Variants in PCDHA8 observed in about 807,000 individuals in gnomAD.
PCDHA8 encodes the protein protocadherin alpha-8.
PCDHA8 carries 53 observed loss-of-function variants against 61.8 expected under a neutral mutation model. The ratio of observed to expected loss-of-function variants is 0.86; its 90% CI spans 0.69 to 1.08. The LOEUF is 1.08. PCDHA8 is among the 50% of genes least tolerant of loss of function. The pLI is 0.00. For synonymous variants in PCDHA8, 618 were observed against 556.6 expected, an observed-to-expected ratio of 1.11 and a Z score of -1.55; for missense variants, 1,293 against 1,245.0, an observed-to-expected ratio of 1.04 and a Z score of -0.58.
chr5:140,954,992 G>A (rs1017301016), intron 1 of PCDHA8, among the ~76,000 whole-genome samples: 1 of 152,094 alleles, frequency 6.6e-6, no homozygotes, highest in Non-Finnish European at 1.5e-5. Flanking sequence ...TTCTGCATAT[G>A]GCTAGCCAAT....
intron 1 of PCDHA8, among the ~76,000 whole-genome samples, chr5:140,895,928 A>G (rs559949902): frequency 5.9e-5 from 9 of 152,226 alleles, no homozygotes; most frequent in African/African-American, 1.9e-4. Flanking sequence ...ATCCTGCCTC[A>G]GCCTCCCGAG....
chr5:140,871,156 G>C (rs200268029), intron 1 of PCDHA8: 2 of 1,613,446 alleles, frequency 1.2e-6, no homozygotes, highest in Non-Finnish European at 8.5e-7. Context: ...TTTGGCGGGC[G>C]CCGCGAGCCC....
chr5:140,926,495 T>G (rs1033428952), intron 1 of PCDHA8: 3 of 181,806 alleles, frequency 1.7e-5, no homozygotes, highest in Non-Finnish European at 3.4e-5. Flanking sequence ...TGTTAGTGTC[T>G]CGGGGCGTCT....
chr5:140,851,303 G>A (rs2042020475), intron 1 of PCDHA8: 2 of 1,012,372 alleles, frequency 2.0e-6, no homozygotes. Context: ...AAAATATATA[G>A]CAATTGTTAC....
intron 1 of PCDHA8, chr5:140,862,381 C>G (rs191367875): frequency 4.0e-5 from 14 of 346,954 alleles, no homozygotes; most frequent in Non-Finnish European, 7.4e-5. Flanking sequence ...TGACTCCTCA[C>G]GTCTCTTCAA....
intron 1 of PCDHA8, among the ~76,000 whole-genome samples, chr5:140,975,074 G>C (rs2096653166): frequency 1.3e-5 from 2 of 152,152 alleles, no homozygotes; most frequent in South Asian, 4.1e-4. Flanking sequence ...CATTCAGATT[G>C]TTGGCAGAAT....
At chr5:140,882,551 C>A in intron 1 of PCDHA8, 1 of 1,614,216 alleles carries the variant, frequency 6.2e-7, no homozygotes, top group Non-Finnish European at 8.5e-7. Flanking sequence ...CCGCGAGGAG[C>A]TGTGTGGGCG....
rs2150513475 is a variant in PCDHA8 at position 140,852,208 on chromosome 5, C to T, written c.2394+8493C>T. On this transcript the variant is annotated intron_variant, in intron 1 of 3. Transcript: ENST00000531613. ...AAATGCCAGTAACGTTTATTTAAAA[C>T]AAAATATTTTAATTTTTAAATTTTC... The T allele has an allele frequency of 5.2e-5, 34 of 657,540 alleles. 1 individual carries two copies. The African/African-American group carries it at 5.9e-4, about 11-fold the overall frequency. The allele number at this position is 657,540 out of a possible 1,614,324, so 40.7% of individuals were successfully genotyped here.
At chr5:140,953,928 C>T (rs246028) in intron 1 of PCDHA8, among the ~76,000 whole-genome samples, 85,608 of 151,876 alleles carry the variant, frequency 0.56, 24,758 homozygotes, top group African/African-American at 0.69. Flanking sequence ...CTTCCTGATG[C>T]TCTCCCTCCC....
chr5:140,906,296 A>G (rs1378311950), intron 1 of PCDHA8, among the ~76,000 whole-genome samples: 9 of 152,226 alleles, frequency 5.9e-5, no homozygotes, highest in Non-Finnish European at 1.5e-5. Flanking sequence ...GACAATAATA[A>G]GGTCATAATT....
At chr5:140,899,382 TGA>T (rs2067295037) in intron 1 of PCDHA8, among the ~76,000 whole-genome samples, 1 of 152,198 alleles carries the variant, frequency 6.6e-6, no homozygotes, top group Non-Finnish European at 1.5e-5. Context: ...CCTAATTTAT[TGA>T]GAGTTTTTAG....
chr5:140,987,811 CTT>C (rs1444999429), intron 3 of PCDHA8, among the ~76,000 whole-genome samples: 7 of 152,218 alleles, frequency 4.6e-5, no homozygotes, highest in African/African-American at 1.7e-4. Flanking sequence ...GTGCCTGTCT[CTT>C]TGTTTCCTTA....
At chr5:140,861,412 C>T (rs371672031) in intron 1 of PCDHA8, 62 of 474,038 alleles carry the variant, frequency 1.3e-4, no homozygotes, top group African/African-American at 1.1e-3. Flanking sequence ...GAGCTGATAC[C>T]GCGCCTGTTT....
intron 1 of PCDHA8, among the ~76,000 whole-genome samples, chr5:140,914,158 C>T (rs1041086072): frequency 1.2e-4 from 18 of 152,276 alleles, no homozygotes; most frequent in East Asian, 9.6e-4. Flanking sequence ...CTGTCCAATA[C>T]GGAAAGTGGG....
rs1563652468 is a variant in PCDHA8 at position 141,000,419 on chromosome 5, A to AT, written c.2543-9207dup. The stretch of plus-strand genomic sequence containing the variant: ...TCTATATATATATATATATATATAT[A>AT]TATTTTTTTTTTTTTTTTTTTTTTT... On this transcript the variant is annotated intron_variant, in intron 3 of 3. Transcript: ENST00000531613. 4.4e-3 allele frequency among the ~76,000 whole-genome samples: 271 copies of AT among 60,978 alleles called. 1 individual carries two copies. The highest frequency in any genetic ancestry group is 5.9e-3 in the Non-Finnish European group (210 of 35,644). The allele number at this position is 60,978 out of a possible 152,430, so 40.0% of individuals were successfully genotyped here.
chr5:141,001,069 C>T (rs1422093659), intron 3 of PCDHA8, among the ~76,000 whole-genome samples: 15 of 152,106 alleles, frequency 9.9e-5, no homozygotes, highest in African/African-American at 3.1e-4. Flanking sequence ...AAATTAAATA[C>T]ATGCAAAATA....
intron 1 of PCDHA8, chr5:140,882,225 C>A (rs782533520): frequency 1.5e-5 from 23 of 1,559,462 alleles, no homozygotes; most frequent in Non-Finnish European, 1.8e-5. Flanking sequence ...TGAGGTAAGG[C>A]GTTGTATATA....
At chr5:140,967,947 C>A in intron 1 of PCDHA8, 1 of 1,614,222 alleles carries the variant, frequency 6.2e-7, no homozygotes, top group Non-Finnish European at 8.5e-7. Flanking sequence ...GACCAAGACT[C>A]AGGCCCCAAC....
chr5:140,857,553 C>T, intron 1 of PCDHA8: 1 of 1,597,008 alleles, frequency 6.3e-7, no homozygotes, highest in Non-Finnish European at 8.6e-7. Flanking sequence ...GGCGAGCGCT[C>T]GCTGTCGAGC....
Sources: allele counts gnomAD v4.1 joint callset (sites outside exome capture counted in the v4.1 genomes callset), GRCh38; gene constraint gnomAD v4.1.1; transcripts MANE v1.5; gene names NCBI Gene and HGNC (gene_info 2026-07-23, HGNC 2026-07-21).